Variants in TTN observed in about 807,000 individuals in gnomAD.
TTN encodes titin.
In TTN, 1,525 loss-of-function variants were observed where a neutral mutation model predicts 3,223.0. The observed-to-expected ratio is 0.47, with a 90% CI of 0.45 to 0.49. The LOEUF is 0.49. Among genes scored for constraint, TTN ranks in the 20% least tolerant of loss-of-function variants. The probability of loss-of-function intolerance (pLI) is 0.00; values close to 1 mark genes in which losing one functional copy is unlikely to be tolerated. For missense variants in TTN, 40,786 were observed against 43,424.0 expected, an observed-to-expected ratio of 0.94 and a Z score of 5.40; for synonymous variants, 14,094 against 15,161.0, an observed-to-expected ratio of 0.93 and a Z score of 5.17.
Position 178,579,305 on chromosome 2 carries a change from T to C in TTN, c.67725A>G (p.Lys22575=). 6.2e-7 allele frequency: 1 copy of C among 1,611,288 alleles called. No individual in the cohort carries two copies. Among genetic ancestry groups the C allele is most frequent in the Non-Finnish European group, 8.5e-7 (1 of 1,178,218 alleles). ...NSNFRLKIPI[K]GKPAPSVSWK... ...AGGAGACTGATGGAGCTGGCTTGCC[T>C]TTTATGGGGATCTTAAGCCGGAAGT... The change falls in exon 320 of 363, where the codon AAA becomes AAG. Residue 22575 remains lysine, a synonymous_variant. Coordinates refer to ENST00000589042, the MANE Select transcript of TTN (RefSeq NM_001267550.2).
At position 178,729,478 on chromosome 2, in the gene TTN, A is replaced by G. The variant is rs777313455; in HGVS notation, c.18678T>C (p.Pro6226=). The stretch of plus-strand genomic sequence containing the variant: ...TCTTCAGCCAAGTGACTTCAAACGG[A>G]GGTGTTCCCGTAACTTCACACTCCA... ...VELECEVTGT[P]PFEVTWLKNN... is the part of the protein sequence containing the mutation. The change falls in exon 64 of 363, where the codon CCT becomes CCC. Residue 6226 remains proline, a synonymous_variant. Coordinates refer to ENST00000589042, the MANE Select transcript of TTN (RefSeq NM_001267550.2). The G allele has an allele frequency of 1.2e-6, 2 of 1,613,590 alleles. No homozygotes were observed. Among genetic ancestry groups the G allele is most frequent in the Admixed American group, 3.3e-5 (2 of 59,980 alleles).
chr2:178,757,307 C>T lies in TTN; in HGVS notation c.10678+235G>A, dbSNP rs553689466. ...TAAAGAAGCCAAGCAAAGGTGGTGC[C>T]TAATAAAATAATTATTGGTTCTCTA... On this transcript the variant is annotated intron_variant, in intron 45 of 362. Coordinates refer to ENST00000589042, the MANE Select transcript of TTN (RefSeq NM_001267550.2). 4.7e-5 allele frequency among the ~76,000 whole-genome samples: 4 copies of T among 85,414 alleles called. No homozygotes were observed. In the South Asian group the frequency reaches 1.6e-3, roughly 34 times the overall value. 56.0% of individuals were successfully genotyped at this position (85,414 alleles called of 152,430 possible).
rs761682559 is a variant in TTN at position 178,652,336 on chromosome 2, G to A, written c.39139C>T (p.Pro13047Ser). ...TTCTTTTCAGGAACAACTTCTTTGGGAGCCTCAGGCACTTGAAAGATAATA... is the reference window on the plus strand; with the variant it reads ...TTCTTTTCAGGAACAACTTCTTTGGAAGCCTCAGGCACTTGAAAGATAATA... The part of the protein sequence containing the change: ...EVTPVKVPEA[P>S]KEVVPEKKVP... The change falls in exon 203 of 363, where the codon CCC becomes TCC. Residue 13047 changes from proline (P) to serine (S), a missense_variant. Coordinates refer to ENST00000589042, the MANE Select transcript of TTN (RefSeq NM_001267550.2). 2.9e-5 allele frequency: 46 copies of A among 1,613,594 alleles called. No individual in the cohort carries two copies. In the South Asian group the frequency reaches 3.4e-4, roughly 12 times the overall value.
rs573082979 is a variant in TTN, at chr2:178,601,381, A to G, written c.55616T>C (p.Val18539Ala). 2.8e-5 allele frequency: 45 copies of G among 1,612,806 alleles called. 2 individuals carry two copies. In the South Asian group the frequency reaches 4.7e-4, roughly 17 times the overall value. ...CTGTTCAGAGAGGAGATCAGGCACT[A>G]CAAATGTGGTGCTTCCACAGTCTGG... is the stretch of plus-strand genomic sequence containing the variant. The part of the protein sequence containing the change: ...VNPDCGSTTF[V>A]VPDLLSEQQY... Residue 18539 changes from valine (V) to alanine (A), a missense_variant, in exon 287 of 363, where the codon GTA becomes GCA. Coordinates refer to ENST00000589042, the MANE Select transcript of TTN (RefSeq NM_001267550.2).
rs1706620113 is a variant in TTN at position 178,568,080 on chromosome 2, C to T, written c.78052G>A (p.Gly26018Ser). 6.2e-7 allele frequency: 1 copy of T among 1,613,374 alleles called. No individual in the cohort carries two copies. Among genetic ancestry groups the T allele is most frequent in the East Asian group, 2.2e-5 (1 of 44,776 alleles). Residue 26018 changes from glycine to serine, a missense_variant, in exon 326 of 363, where the codon GGT becomes AGT. Physicochemically the swap from Gly to Ser is moderately conservative, Grantham distance 56 (BLOSUM62 0). Coordinates refer to ENST00000589042, the MANE Select transcript of TTN (RefSeq NM_001267550.2). ...VIQWHEPVNN[G>S]GSPVIGYHLE... The stretch of plus-strand genomic sequence containing the variant: ...TGGTAACCTATGACGGGGCTTCCAC[C>T]ATTGTTGACTGGTTCATGCCACTGT...
chr2:178,630,497 C>T, intron 238 of TTN, 130 bp from the exon 239 acceptor site: 1 of 1,235,454 alleles, frequency 8.1e-7, no homozygotes. Flanking sequence ...ACTTTGAGCT[C>T]TTTTTTTAGG....
In TTN at chr2:178,590,090, G is replaced by T; in HGVS notation, c.61635C>A (p.Gly20545=). ...QIKEAVRADH[G]KYIISAKNSS... is the part of the protein sequence containing the mutation. ...TGTTCTTAGCTGAGATGATATACTT[G>T]CCATGATCAGCTCTAACAGCTTCTT... The change falls in exon 304 of 363, where the codon GGC becomes GGA. Residue 20545 remains glycine (G), a synonymous_variant. Coordinates refer to ENST00000589042, the MANE Select transcript of TTN (RefSeq NM_001267550.2). 6.2e-7 allele frequency: 1 copy of T among 1,613,214 alleles called. No individual in the cohort carries two copies. The highest frequency in any genetic ancestry group is 8.5e-7 in the Non-Finnish European group (1 of 1,179,490).
At chr2:178,789,760 A>C (rs959924103) in intron 12 of TTN, among the ~76,000 whole-genome samples, 4 of 152,204 alleles carry the variant, frequency 2.6e-5, no homozygotes, top group Non-Finnish European at 5.9e-5. Context: ...CATGCAAAGA[A>C]TAATGGTGAA....
chr2:178,737,808 T>C (rs1289940687), intron 49 of TTN: 4 of 318,230 alleles, frequency 1.3e-5, no homozygotes, highest in Non-Finnish European at 2.3e-5. Context: ...TGTCCTGATA[T>C]GTTTTATATG....
At position 178,739,583 on chromosome 2, in the gene TTN, T is replaced by C; in HGVS notation, c.13650A>G (p.Thr4550=). 6.2e-7 allele frequency: 1 copy of C among 1,613,834 alleles called. No homozygotes were observed. ...CTGAAGCAACCCCTTTAGTGACAGG[T>C]GTGGCATCCAAATATTTAACCCTAC... ...VQSRVKYLDA[T]PVTKGVASAV... The change falls in exon 48 of 363, where the codon ACA becomes ACG. Residue 4550 remains threonine (T), a synonymous_variant. Transcript: ENST00000589042.
intron 47 of TTN, chr2:178,746,558 G>T (rs1217465550): frequency 6.2e-7 from 1 of 1,613,164 alleles, no homozygotes; most frequent in South Asian, 1.1e-5. Context: ...AGGTGGTAGT[G>T]CCACCACTCT....
In TTN at chr2:178,696,049, T is replaced by C; in HGVS notation, c.31023A>G (p.Pro10341=). Residue 10341 remains proline, a synonymous_variant, in exon 114 of 363, where the codon CCA becomes CCG. Transcript: ENST00000589042. ...CCTTAATCTCTTCATAGTCTTCATC[T>C]GGTTCTTCATAATAAGGTTGTTCAA... The part of the protein sequence containing the change: ...EPFEQPYYEE[P]DEDYEEIKVE... The C allele has an allele frequency of 6.4e-7, 1 of 1,551,090 alleles. No homozygotes were observed. The highest frequency in any genetic ancestry group is 8.7e-7 in the Non-Finnish European group (1 of 1,146,590).
Position 178,544,064 on chromosome 2 carries a change from C to T in TTN, c.96080G>A (p.Arg32027Lys). 1 of 1,613,520 alleles carries T rather than the reference C, an allele frequency of 6.2e-7. No individual in the cohort carries two copies. The highest frequency in any genetic ancestry group is 2.2e-5 in the East Asian group (1 of 44,866). Residue 32027 changes from arginine to lysine, a missense_variant, in exon 346 of 363, where the codon AGG becomes AAG. Physicochemically the swap from Arg to Lys is conservative, Grantham distance 26. Coordinates refer to ENST00000589042, the MANE Select transcript of TTN (RefSeq NM_001267550.2). ...CATCAAGCGCAAGGAGGCCCCAGCCCTGATGGTCACAGTCTTCTTTAGATC... is the reference window on the plus strand; with the variant it reads ...CATCAAGCGCAAGGAGGCCCCAGCCTTGATGGTCACAGTCTTCTTTAGATC... The part of the protein sequence containing the change: ...ADDLKKTVTI[R>K]AGASLRLMVS...
Position 178,532,573 on chromosome 2 carries a change from A to G in TTN, c.104042T>C (p.Leu34681Pro). 1 of 1,613,992 alleles carries G rather than the reference A, an allele frequency of 6.2e-7. No homozygotes were observed. Among genetic ancestry groups the G allele is most frequent in the African/African-American group, 1.3e-5 (1 of 75,040 alleles). ...TAACTCAAGCTCTTCTTCAAGACGCAGCCTCTCTTCCTCTGTTCTTTTCAT... is the reference window on the plus strand; with the variant it reads ...TAACTCAAGCTCTTCTTCAAGACGCGGCCTCTCTTCCTCTGTTCTTTTCAT... Reference protein sequence around the residue: ...LAMKRTEEERLRLEEELELGF... With the variant: ...LAMKRTEEERPRLEEELELGF... Residue 34681 changes from leucine (L) to proline (P), a missense_variant, in exon 358 of 363, where the codon CTG becomes CCG. Coordinates refer to ENST00000589042, the MANE Select transcript of TTN (RefSeq NM_001267550.2).
rs770655963 is a variant in TTN, at chr2:178,618,621, A to G, written c.46929T>C (p.His15643=). The G allele has an allele frequency of 1.2e-6, 2 of 1,612,154 alleles. No individual in the cohort carries two copies. Among genetic ancestry groups the G allele is most frequent in the Non-Finnish European group, 8.5e-7 (1 of 1,179,018 alleles). The change falls in exon 251 of 363, where the codon CAT becomes CAC. Residue 15643 remains histidine (H), a synonymous_variant. Coordinates refer to ENST00000589042, the MANE Select transcript of TTN (RefSeq NM_001267550.2). ...AATTGATGAATCCTTCTGCTTTTCCATGTTTGTTCTGAAGCACAATTTTAT... is the reference window on the plus strand; with the variant it reads ...AATTGATGAATCCTTCTGCTTTTCCGTGTTTGTTCTGAAGCACAATTTTAT... ...GRYKIVLQNK[H]GKAEGFINLK...
Position 178,779,385 on chromosome 2 carries a change from T to C in TTN, c.3807A>G (p.Glu1269=). 6.2e-7 allele frequency: 1 copy of C among 1,603,284 alleles called. No individual in the cohort carries two copies. Among genetic ancestry groups the C allele is most frequent in the Non-Finnish European group, 8.5e-7 (1 of 1,170,562 alleles). Reference sequence around the variant, plus strand: ...TTTCTTCTCCATCTTCTTCAAGAAGTTCTTCTAATGTAGTCTTTATTATTC... The same window carrying C: ...TTTCTTCTCCATCTTCTTCAAGAAGCTCTTCTAATGTAGTCTTTATTATTC... ...EYRIIKTTLE[E]LLEEDGEEKM... Residue 1269 remains glutamate (E), a synonymous_variant, in exon 23 of 363, where the codon GAA becomes GAG. Transcript: ENST00000589042.
chr2:178,607,899 T>C lies in TTN; in HGVS notation c.52888A>G (p.Thr17630Ala), dbSNP rs1384115571. ...TEKMIKVRQY[T>A]VKEIREGADY... ...GCACCCTCTCGGATTTCTTTGACGG[T>C]GTACTGACGGACCTTGATCATCTTC... is the stretch of plus-strand genomic sequence containing the variant. The change falls in exon 276 of 363, where the codon ACC becomes GCC. Residue 17630 changes from threonine (T) to alanine (A), a missense_variant. Coordinates refer to ENST00000589042, the MANE Select transcript of TTN (RefSeq NM_001267550.2). 3 of 1,613,044 alleles carry C rather than the reference T, an allele frequency of 1.9e-6. No homozygotes were observed. Among genetic ancestry groups the C allele is most frequent in the Admixed American group, 1.7e-5 (1 of 59,964 alleles).
rs756607075 is a variant in TTN, at chr2:178,552,176, C to A, written c.90724G>T (p.Val30242Phe). 3 of 1,613,810 alleles carry A rather than the reference C, an allele frequency of 1.9e-6. No homozygotes were observed. Among genetic ancestry groups the A allele is most frequent in the Non-Finnish European group, 2.5e-6 (3 of 1,179,790 alleles). Residue 30242 changes from valine (V) to phenylalanine (F), a missense_variant, in exon 335 of 363, where the codon GTC becomes TTC. By Grantham distance (50) the Val-to-Phe change is conservative (BLOSUM62 -1). Coordinates refer to ENST00000589042, the MANE Select transcript of TTN (RefSeq NM_001267550.2). ...IRFDEIKADSVILSWDVPEDN... is the reference protein window; with the variant it reads ...IRFDEIKADSFILSWDVPEDN... Reference sequence around the variant, plus strand: ...TCAGGTACATCCCATGACAGGATGACACTATCAGCCTTGATTTCATCAAAT... The same window carrying A: ...TCAGGTACATCCCATGACAGGATGAAACTATCAGCCTTGATTTCATCAAAT...
intron 46 of TTN, 59 bp from the exon 47 acceptor site, chr2:178,753,239 CA>C (rs1223850338): frequency 7.7e-7 from 1 of 1,304,490 alleles, no homozygotes; most frequent in African/African-American, 1.5e-5. Flanking sequence ...TTTTCTGCAT[CA>C]ATTCATGACT....
Sources: allele counts gnomAD v4.1 joint callset (sites outside exome capture counted in the v4.1 genomes callset), GRCh38; gene constraint gnomAD v4.1.1; transcripts MANE v1.5; gene names NCBI Gene and HGNC (gene_info 2026-07-23, HGNC 2026-07-21).